The following SEZ6L2 variants were observed in gnomAD, a reference collection of about 807,000 sequenced individuals.
The protein encoded by SEZ6L2 is seizure 6-like protein 2.
A neutral mutation model predicts 97.0 loss-of-function variants in SEZ6L2; 44 were observed. The observed-to-expected ratio is 0.45, with a 90% CI of 0.36 to 0.58. The LOEUF (loss-of-function observed/expected upper bound fraction) is 0.58, where lower values mean the gene tolerates loss of function less well. Among genes scored for constraint, SEZ6L2 ranks in the 20% least tolerant of loss-of-function variants. SEZ6L2 has a pLI of 0.00. For synonymous variants in SEZ6L2, 543 were observed against 546.1 expected (o/e 0.99, Z 0.08); for missense variants, 1,086 against 1,233.3 (o/e 0.88, Z 1.79).
chr16:29,879,842 GC>G (rs2067992153), intron 9 of SEZ6L2, 21 bp downstream of exon 9: 27 of 1,569,912 alleles, frequency 1.7e-5, no homozygotes, highest in Non-Finnish European at 2.3e-5. Context: ...TGAAGGACAT[GC>G]CTGCGACAAG....
intron 8 of SEZ6L2, 119 bp from the exon 9 acceptor site, chr16:29,880,183 T>A (rs577257155): frequency 6.8e-5 from 57 of 835,526 alleles, no homozygotes; most frequent in African/African-American, 3.5e-4. Flanking sequence ...TTTTTTTTTT[T>A]AAACAGTCTT....
rs193115881 is a variant in SEZ6L2 at position 29,891,649 on chromosome 16, A to G, written c.854-2924T>C. 3.7e-4 allele frequency among the ~76,000 whole-genome samples: 56 copies of G among 152,242 alleles called. No homozygotes were observed. In the East Asian group the frequency reaches 0.01, roughly 28 times the overall value. ...GAGTGAGACTCCGTCTCAAAAAAAA[A>G]AAAGGGCTAGCCTGGCTGATCAATG... is the stretch of plus-strand genomic sequence containing the variant. On this transcript the variant is annotated intron_variant, in intron 5 of 17. Transcript: ENST00000617533.
intron 8 of SEZ6L2, among the ~76,000 whole-genome samples, chr16:29,880,572 C>T (rs531746817): frequency 1.3e-5 from 2 of 152,206 alleles, no homozygotes; most frequent in African/African-American, 2.4e-5. Context: ...CTGCCTGCCT[C>T]GGCCTCCCAA....
intron 8 of SEZ6L2, among the ~76,000 whole-genome samples, chr16:29,881,620 CTTTTTTTTTTT>C (rs59318540): frequency 2.3e-5 from 2 of 85,118 alleles, no homozygotes; most frequent in African/African-American, 5.2e-5. Context: ...ATGAGGAATT[CTTTTTTTTTTT>C]TTTTTTTTTT....
Position 29,873,618 on chromosome 16 carries a change from A to C in SEZ6L2, c.2216T>G (p.Leu739Arg). ...GCAGGTGAGCATGGCTGCCCCCTCG[A>C]GGCTGTACCCTGGCAGGCAGCGGTA... Reference protein sequence around the residue: ...VQYRCLPGYSLEGAAMLTCYS... With the variant: ...VQYRCLPGYSREGAAMLTCYS... The change falls in exon 13 of 18, where the codon CTC becomes CGC. Residue 739 changes from leucine to arginine, a missense_variant. Coordinates refer to ENST00000617533, the MANE Select transcript of SEZ6L2 (RefSeq NM_001243332.2). This position sits in a 1 kb window ranked among gnomAD's most constrained non-coding sequence, Gnocchi z 4.3. 1 of 1,614,050 alleles carries C rather than the reference A, an allele frequency of 6.2e-7. No homozygotes were observed. The highest frequency in any genetic ancestry group is 8.5e-7 in the Non-Finnish European group (1 of 1,179,996).
At position 29,872,729 on chromosome 16, in the gene SEZ6L2, G is replaced by C. The variant is rs2150776359; in HGVS notation, c.2503C>G (p.Leu835Val). Residue 835 changes from leucine to valine, a missense_variant, in exon 15 of 18, where the codon CTC becomes GTC. Around this residue, in one of 2 missense-constraint regions of SEZ6L2, gnomAD observed 310 missense variants for 438.6 expected, o/e 0.71. Coordinates refer to ENST00000617533, the MANE Select transcript of SEZ6L2 (RefSeq NM_001243332.2). The part of the protein sequence containing the change: ...PPLCKVAYEE[L>V]LDNRKLEVTQ... ...CCTTCCAGTTTTCGGTTGTCCAGGAGCTCCTCATAGGCAACTGCAGGGAGA... is the reference window on the plus strand; with the variant it reads ...CCTTCCAGTTTTCGGTTGTCCAGGACCTCCTCATAGGCAACTGCAGGGAGA... The C allele has an allele frequency of 6.2e-7, 1 of 1,612,938 alleles. No individual in the cohort carries two copies. The highest frequency in any genetic ancestry group is 8.5e-7 in the Non-Finnish European group (1 of 1,179,740).
intron 14 of SEZ6L2, among the ~76,000 whole-genome samples, chr16:29,872,982 G>A (rs1485508237): frequency 6.6e-6 from 1 of 152,210 alleles, no homozygotes; most frequent in African/African-American, 2.4e-5. Flanking sequence ...ACTAGAACTT[G>A]TCAGCGATAG....
intron 5 of SEZ6L2, among the ~76,000 whole-genome samples, chr16:29,892,571 C>T (rs977893422): frequency 6.6e-6 from 1 of 152,214 alleles, no homozygotes; most frequent in Non-Finnish European, 1.5e-5. Context: ...ACATGAGCCC[C>T]TAAGGCAGGT....
intron 7 of SEZ6L2, among the ~76,000 whole-genome samples, chr16:29,886,954 G>A (rs1019169491): frequency 5.3e-5 from 8 of 152,016 alleles, no homozygotes; most frequent in Non-Finnish European, 1.2e-4. Flanking sequence ...GGCCAAGGTG[G>A]GCAGATCACC....
intron 8 of SEZ6L2, among the ~76,000 whole-genome samples, chr16:29,883,689 T>G (rs1302279200): frequency 6.6e-6 from 1 of 152,074 alleles, no homozygotes; most frequent in African/African-American, 2.4e-5. Context: ...CCTAGCACTT[T>G]GAGAGGCCGA....
intron 5 of SEZ6L2, among the ~76,000 whole-genome samples, chr16:29,894,242 C>G (rs890542457): frequency 6.6e-6 from 1 of 152,178 alleles, no homozygotes; most frequent in Non-Finnish European, 1.5e-5. Context: ...ATTGTGATCC[C>G]TATTTTTCAG....
chr16:29,893,842 C>G (rs57320516), intron 5 of SEZ6L2, among the ~76,000 whole-genome samples: 7,553 of 152,110 alleles, frequency 0.05, 626 homozygotes, highest in African/African-American at 0.17. Flanking sequence ...GTTTTGAGCT[C>G]TCACTGTGTA....
At chr16:29,888,942 T>C (rs1443329468) in intron 5 of SEZ6L2, among the ~76,000 whole-genome samples, 1 of 152,100 alleles carries the variant, frequency 6.6e-6, no homozygotes, top group African/African-American at 2.4e-5. Flanking sequence ...CCACTCATTG[T>C]AATTCACCCT....
intron 7 of SEZ6L2, 61 bp from the exon 8 acceptor site, chr16:29,885,810 G>A: frequency 6.5e-7 from 1 of 1,528,152 alleles, no homozygotes; most frequent in Middle Eastern, 2.3e-4. Flanking sequence ...CTCACCCCTT[G>A]CCTGCTTTCC....
chr16:29,899,108 T>G lies in SEZ6L2; in HGVS notation c.-89A>C, dbSNP rs1003642825. 19 of 769,868 alleles carry G rather than the reference T, an allele frequency of 2.5e-5. No homozygotes were observed. The African/African-American group carries it at 3.5e-4, about 14-fold the overall frequency. The allele number at this position is 769,868 out of a possible 1,614,324, so 47.7% of individuals were successfully genotyped here. On this transcript the variant is annotated 5_prime_UTR_variant, in exon 1 of 18. Transcript: ENST00000617533. ...CGTCTCCGTTTATCTTTCCCTTTAA[T>G]TGTTTTTTTTTTTTTTTTTTTTTTC...
At chr16:29,885,129 A>G (rs1046666626) in intron 8 of SEZ6L2, among the ~76,000 whole-genome samples, 5 of 152,156 alleles carry the variant, frequency 3.3e-5, no homozygotes, top group Non-Finnish European at 7.3e-5. Context: ...AATGGCGTGA[A>G]CCCGGAAGGC....
At position 29,876,768 on chromosome 16, in the gene SEZ6L2, C is replaced by T. The variant is rs1055779458; in HGVS notation, c.2092G>A (p.Ala698Thr). 1.3e-6 allele frequency: 2 copies of T among 1,550,318 alleles called. No homozygotes were observed. Among genetic ancestry groups the T allele is most frequent in the Non-Finnish European group, 8.7e-7 (1 of 1,146,420 alleles). ...WDLSWSAAPP[A>T]CQKIMTCADP... ...GGGGCCGGCTCACTCTTTTGGCAGG[C>T]GGGCGGCGCGGCGCTCCAAGACAGG... is the stretch of plus-strand genomic sequence containing the variant. The change falls in exon 12 of 18, where the codon GCC becomes ACC. Residue 698 changes from alanine (A) to threonine (T), a missense_variant. Coordinates refer to ENST00000617533, the MANE Select transcript of SEZ6L2 (RefSeq NM_001243332.2). The surrounding 1 kb of genome is among the most constrained non-coding windows in gnomAD (Gnocchi z 6.5).
intron 1 of SEZ6L2, 21 bp downstream of exon 1, chr16:29,898,920 C>G: frequency 1.2e-6 from 2 of 1,601,196 alleles, no homozygotes; most frequent in Admixed American, 1.7e-5. Context: ...GGGGCCCACC[C>G]CCACAGTCTC....
At position 29,887,836 on chromosome 16, in the gene SEZ6L2, T is replaced by G. The variant is rs1224192962; in HGVS notation, c.1040-19A>C. On this transcript the variant is annotated intron_variant, in intron 6 of 17. Coordinates refer to ENST00000617533, the MANE Select transcript of SEZ6L2 (RefSeq NM_001243332.2). The stretch of plus-strand genomic sequence containing the variant: ...CAGGATGCTGTGGGCAGAGGAGGGG[T>G]ACGTTAAGGCCAGCCTGAGGTGAAC... The G allele has an allele frequency of 2.5e-6, 4 of 1,612,036 alleles. No individual in the cohort carries two copies. The South Asian group carries it at 3.3e-5, about 13-fold the overall frequency.
Sources: allele counts gnomAD v4.1 joint callset (sites outside exome capture counted in the v4.1 genomes callset), GRCh38; gene constraint gnomAD v4.1.1; regional missense constraint gnomAD v4.1.1; non-coding constraint Gnocchi (gnomAD v3.1); transcripts MANE v1.5; gene names NCBI Gene and HGNC (gene_info 2026-07-23, HGNC 2026-07-21).